Variants in ABL2 observed in about 807,000 individuals in gnomAD.
ABL2 encodes ABL proto-oncogene 2, non-receptor tyrosine kinase, also known as tyrosine-protein kinase ABL2.
In ABL2, 49 loss-of-function variants were observed where a neutral mutation model predicts 107.7. The ratio of observed to expected loss-of-function variants is 0.45; its 90% CI spans 0.36 to 0.58. ABL2 has a LOEUF of 0.58. Ranked by LOEUF, ABL2 falls within the 20% of genes least tolerant of loss-of-function variation. The probability of loss-of-function intolerance (pLI) is 0.00; values close to 1 mark genes in which losing one functional copy is unlikely to be tolerated. For synonymous variants in ABL2, 549 were observed against 548.6 expected (o/e 1.00, Z -0.01); for missense variants, 1,245 against 1,457.0 (o/e 0.85, Z 2.37).
chr1:179,219,623 G>C (rs1307192220), intron 1 of ABL2, among the ~76,000 whole-genome samples: 1 of 152,146 alleles, frequency 6.6e-6, no homozygotes, highest in Non-Finnish European at 1.5e-5. Context: ...CAGTCCCTAA[G>C]ACAAAGACAA....
At chr1:179,158,525 C>A (rs1658848417) in intron 1 of ABL2, among the ~76,000 whole-genome samples, 1 of 152,144 alleles carries the variant, frequency 6.6e-6, no homozygotes, top group African/African-American at 2.4e-5. Flanking sequence ...TAAGGGACCC[C>A]CACAACCACC....
intron 8 of ABL2, among the ~76,000 whole-genome samples, chr1:179,115,290 G>A (rs1654518106): frequency 6.6e-6 from 1 of 152,094 alleles, no homozygotes; most frequent in Non-Finnish European, 1.5e-5. Flanking sequence ...TGTAATGAGG[G>A]AAAATAAACT....
intron 1 of ABL2, among the ~76,000 whole-genome samples, chr1:179,191,991 A>T (rs1294565164): frequency 2.0e-5 from 3 of 152,214 alleles, no homozygotes; most frequent in African/African-American, 7.2e-5. Context: ...CTTTAAGAAA[A>T]ATACATTTAA....
In ABL2 at chr1:179,130,015, A is replaced by G. The variant is rs1008003182; in HGVS notation, c.391+1296T>C. On this transcript the variant is annotated intron_variant, in intron 3 of 11. Coordinates refer to ENST00000502732, the MANE Select transcript of ABL2 (RefSeq NM_007314.4). ...GGTGCAGTGGCACCATCTCAGCTCAATGCAACCTCCCCGTCCCAAGTTCAA... is the reference window on the plus strand; with the variant it reads ...GGTGCAGTGGCACCATCTCAGCTCAGTGCAACCTCCCCGTCCCAAGTTCAA... Among the ~76,000 whole-genome samples the G allele has an allele frequency of 3.9e-5, 6 of 152,080 alleles. No homozygotes were observed. In the East Asian group the frequency reaches 7.7e-4, roughly 20 times the overall value.
chr1:179,165,490 T>C (rs1571231578), intron 1 of ABL2, among the ~76,000 whole-genome samples: 1 of 151,822 alleles, frequency 6.6e-6, no homozygotes, highest in Non-Finnish European at 1.5e-5. Context: ...AGAGGGTATG[T>C]GTGCATAGAA....
intron 1 of ABL2, among the ~76,000 whole-genome samples, chr1:179,226,818 G>A (rs1663243376): frequency 6.6e-6 from 1 of 152,092 alleles, no homozygotes; most frequent in African/African-American, 2.4e-5. Flanking sequence ...TTCAAATCCA[G>A]GAAAAATGGG....
At chr1:179,187,979 C>T (rs1179656545) in intron 1 of ABL2, among the ~76,000 whole-genome samples, 1 of 152,208 alleles carries the variant, frequency 6.6e-6, no homozygotes, top group Non-Finnish European at 1.5e-5. Context: ...CAATCCCCAT[C>T]ACTACTCCCA....
rs1364860801 is a variant in ABL2, at chr1:179,146,307, G to A, written c.158-12933C>T. Among the ~76,000 whole-genome samples the A allele has an allele frequency of 3.9e-5, 6 of 152,262 alleles. No homozygotes were observed. In the East Asian group the frequency reaches 1.2e-3, roughly 29 times the overall value. On this transcript the variant is annotated intron_variant, in intron 1 of 11. Coordinates refer to ENST00000502732, the MANE Select transcript of ABL2 (RefSeq NM_007314.4). ...GAAGAGGGAATCAACAGGGCTTGCAGATTACTTGGATACAACATAAGAGAG... is the reference window on the plus strand; with the variant it reads ...GAAGAGGGAATCAACAGGGCTTGCAAATTACTTGGATACAACATAAGAGAG...
chr1:179,197,574 A>T (rs200775750), intron 1 of ABL2, among the ~76,000 whole-genome samples: 4 of 150,550 alleles, frequency 2.7e-5, no homozygotes, highest in Non-Finnish European at 5.9e-5. Flanking sequence ...AAAAAAAAAA[A>T]TTAAAAAAAA....
chr1:179,173,127 T>C (rs1054913470), intron 1 of ABL2, among the ~76,000 whole-genome samples: 1 of 150,148 alleles, frequency 6.7e-6, no homozygotes, highest in African/African-American at 2.4e-5. Flanking sequence ...GAGGTGGAGG[T>C]TGCAGTGAGC....
intron 1 of ABL2, among the ~76,000 whole-genome samples, chr1:179,206,591 A>T (rs1384884570): frequency 6.6e-6 from 1 of 152,172 alleles, no homozygotes; most frequent in Non-Finnish European, 1.5e-5. Context: ...AGGGGGAAAA[A>T]AAAAGAATGG....
At chr1:179,137,103 T>G (rs1164839315) in intron 1 of ABL2, among the ~76,000 whole-genome samples, 4 of 152,142 alleles carry the variant, frequency 2.6e-5, no homozygotes, top group Non-Finnish European at 5.9e-5. Flanking sequence ...AAAGTTCTGA[T>G]ATCATGGAAA....
intron 1 of ABL2, among the ~76,000 whole-genome samples, chr1:179,225,354 C>T (rs1353457998): frequency 6.6e-6 from 1 of 152,138 alleles, no homozygotes; most frequent in African/African-American, 2.4e-5. Context: ...GTCTAACAGA[C>T]CTAACATTCA....
intron 1 of ABL2, among the ~76,000 whole-genome samples, chr1:179,139,946 A>G (rs752952429): frequency 6.6e-5 from 10 of 152,146 alleles, no homozygotes; most frequent in Non-Finnish European, 8.8e-5. Flanking sequence ...CTTCCATGAA[A>G]CTGGTCCCTG....
chr1:179,121,979 G>T, intron 4 of ABL2, 112 bp from the exon 5 acceptor site: 3 of 1,056,314 alleles, frequency 2.8e-6, no homozygotes, highest in Non-Finnish European at 3.9e-6. Context: ...AGGCTGGAGT[G>T]CACTGGCGCG....
chr1:179,228,764 T>G (rs893122185), intron 1 of ABL2, among the ~76,000 whole-genome samples: 5 of 152,218 alleles, frequency 3.3e-5, no homozygotes, highest in African/African-American at 1.2e-4. Flanking sequence ...ATCCTGACAC[T>G]GCTCATCACC....
chr1:179,226,679 T>C (rs1412029019), intron 1 of ABL2, among the ~76,000 whole-genome samples: 5 of 152,192 alleles, frequency 3.3e-5, no homozygotes, highest in African/African-American at 1.2e-4. Context: ...GCTCATACTA[T>C]GTGCCCAGCC....
At chr1:179,191,413 C>CTTTTTTTTTTTT (rs35362624) in intron 1 of ABL2, among the ~76,000 whole-genome samples, 5 of 77,168 alleles carry the variant, frequency 6.5e-5, no homozygotes, top group Admixed American at 1.9e-4. Context: ...TATGAAATCC[C>CTTTTTTTTTTTT]TTTTTTTTTT....
At position 179,124,037 on chromosome 1, in the gene ABL2, C is replaced by A. The variant is rs1655488968; in HGVS notation, c.688-2170G>T. Among the ~76,000 whole-genome samples the A allele has an allele frequency of 4.6e-5, 7 of 151,916 alleles. No individual in the cohort carries two copies. In the South Asian group the frequency reaches 1.5e-3, roughly 32 times the overall value. ...CGGGTGGATCACGAGGTCAGGAGATCGAGACCATCCTGGCTATCATGGTGA... is the reference window on the plus strand; with the variant it reads ...CGGGTGGATCACGAGGTCAGGAGATAGAGACCATCCTGGCTATCATGGTGA... On this transcript the variant is annotated intron_variant, in intron 4 of 11. Coordinates refer to ENST00000502732, the MANE Select transcript of ABL2 (RefSeq NM_007314.4).
Sources: allele counts gnomAD v4.1 joint callset (sites outside exome capture counted in the v4.1 genomes callset), GRCh38; gene constraint gnomAD v4.1.1; transcripts MANE v1.5; gene names NCBI Gene and HGNC (gene_info 2026-07-23, HGNC 2026-07-21).